Variants in GALNTL6 observed in about 807,000 individuals in gnomAD.
GALNTL6 encodes the protein polypeptide N-acetylgalactosaminyltransferase-like 6.
GALNTL6 carries 46 observed loss-of-function variants against 73.7 expected under a neutral mutation model. That is an observed-to-expected ratio of 0.62 (90% CI 0.49 to 0.80). The LOEUF (loss-of-function observed/expected upper bound fraction) is 0.80. Ranked by LOEUF, GALNTL6 falls within the 30% of genes least tolerant of loss-of-function variation. GALNTL6 has a pLI of 0.00. For missense variants in GALNTL6, 604 were observed against 755.0 expected, an observed-to-expected ratio of 0.80 and a Z score of 2.34; for synonymous variants, 259 against 263.7, an observed-to-expected ratio of 0.98 and a Z score of 0.17.
chr4:172,664,950 T>C (rs1021842071), intron 5 of GALNTL6, among the ~76,000 whole-genome samples: 1 of 152,114 alleles, frequency 6.6e-6, no homozygotes, highest in African/African-American at 2.4e-5. Flanking sequence ...AAACAAGCAA[T>C]GAAGAATGTG....
chr4:171,843,148 T>A (rs1055082571), intron 2 of GALNTL6, among the ~76,000 whole-genome samples: 4 of 152,132 alleles, frequency 2.6e-5, no homozygotes, highest in African/African-American at 9.7e-5. Context: ...AGTTTAGTTT[T>A]AATGGTTTTT....
chr4:172,890,120 A>G (rs541810215), intron 8 of GALNTL6, among the ~76,000 whole-genome samples: 2 of 152,172 alleles, frequency 1.3e-5, no homozygotes, highest in African/African-American at 4.8e-5. Context: ...ATTTCTGATT[A>G]TGCTTACTTG....
At chr4:172,475,432 G>A (rs1267769590) in intron 5 of GALNTL6, among the ~76,000 whole-genome samples, 2 of 151,228 alleles carry the variant, frequency 1.3e-5, no homozygotes, top group Non-Finnish European at 2.9e-5. Flanking sequence ...GGACAAGGTT[G>A]GCAGAAAAAA....
intron 2 of GALNTL6, among the ~76,000 whole-genome samples, chr4:171,883,574 T>A (rs1358699224): frequency 6.6e-6 from 1 of 152,148 alleles, no homozygotes; most frequent in Non-Finnish European, 1.5e-5. Flanking sequence ...CAGTTCTTTT[T>A]TTTCTGAAAC....
At chr4:171,989,591 T>C (rs1329760798) in intron 2 of GALNTL6, among the ~76,000 whole-genome samples, 1 of 152,194 alleles carries the variant, frequency 6.6e-6, no homozygotes, top group Non-Finnish European at 1.5e-5. Flanking sequence ...GGGGTTTGTC[T>C]CACAGTGGAG....
intron 2 of GALNTL6, among the ~76,000 whole-genome samples, chr4:171,912,722 C>T (rs1327458033): frequency 6.6e-6 from 1 of 152,150 alleles, no homozygotes; most frequent in Admixed American, 6.6e-5. Context: ...TTCCCAGCCT[C>T]TAGTAACCAC....
intron 2 of GALNTL6, among the ~76,000 whole-genome samples, chr4:171,892,632 G>T (rs898512486): frequency 6.6e-6 from 1 of 152,112 alleles, no homozygotes; most frequent in African/African-American, 2.4e-5. Context: ...TGTGATCACA[G>T]CTCACTGCAG....
chr4:172,446,249 A>C (rs1410699190), intron 5 of GALNTL6, among the ~76,000 whole-genome samples: 1 of 152,170 alleles, frequency 6.6e-6, no homozygotes, highest in Non-Finnish European at 1.5e-5. Flanking sequence ...TATGACGATC[A>C]CAGAGCTTTA....
At chr4:172,178,042 G>A (rs1735103925) in intron 2 of GALNTL6, among the ~76,000 whole-genome samples, 1 of 151,718 alleles carries the variant, frequency 6.6e-6, no homozygotes, top group Non-Finnish European at 1.5e-5. Context: ...GATTTCTATT[G>A]AGATGTCACA....
intron 5 of GALNTL6, among the ~76,000 whole-genome samples, chr4:172,537,209 T>C (rs1735374604): frequency 6.6e-6 from 1 of 152,188 alleles, no homozygotes; most frequent in Non-Finnish European, 1.5e-5. Context: ...TGTTTTGAAA[T>C]GTGAGGACAT....
chr4:172,818,488 A>G (rs1024983539), intron 7 of GALNTL6, among the ~76,000 whole-genome samples: 2 of 152,212 alleles, frequency 1.3e-5, no homozygotes, highest in Non-Finnish European at 2.9e-5. Context: ...ATTCTTGCCT[A>G]GACTTATTAG....
At chr4:172,381,265 T>C (rs950230564) in intron 5 of GALNTL6, among the ~76,000 whole-genome samples, 3 of 152,254 alleles carry the variant, frequency 2.0e-5, no homozygotes, top group African/African-American at 7.2e-5. Context: ...GAAAGGCTTA[T>C]TGGTATATAA....
At chr4:172,408,956 A>G (rs1744333839) in intron 5 of GALNTL6, among the ~76,000 whole-genome samples, 1 of 152,092 alleles carries the variant, frequency 6.6e-6, no homozygotes, top group Non-Finnish European at 1.5e-5. Context: ...AAATGTTAGA[A>G]ATCACTTACT....
chr4:172,027,663 A>G lies in GALNTL6; in HGVS notation c.139-201993A>G, dbSNP rs1741630442. ...TTAAATCAAAAGCTAGAAATGATTA[A>G]GCTTAGTTGAGGAAGGCATGTTGCA... On this transcript the variant is annotated intron_variant, in intron 2 of 12. Transcript: ENST00000506823. 2.7e-5 allele frequency among the ~76,000 whole-genome samples: 4 copies of G among 149,044 alleles called. No individual in the cohort carries two copies. The South Asian group carries it at 8.6e-4, about 32-fold the overall frequency.
intron 5 of GALNTL6, among the ~76,000 whole-genome samples, chr4:172,556,974 G>A (rs28601872): frequency 0.042 from 6,455 of 152,122 alleles, 433 homozygotes; most frequent in African/African-American, 0.14. Flanking sequence ...TAGAGATTTA[G>A]TTAAACCCAT....
intron 2 of GALNTL6, among the ~76,000 whole-genome samples, chr4:172,020,794 C>T (rs1214319678): frequency 6.6e-6 from 1 of 151,940 alleles, no homozygotes. Context: ...GAAATACTTC[C>T]AAACTCATTC....
Position 172,956,958 on chromosome 4 carries a change from G to A in GALNTL6, c.1371+4700G>A, listed in dbSNP as rs562295017. On this transcript the variant is annotated intron_variant, in intron 10 of 12. Coordinates refer to ENST00000506823, the MANE Select transcript of GALNTL6 (RefSeq NM_001034845.3). ...TCTGTTATAGGACTGTATAGAGGTG[G>A]GAAGGCCAAACCGAGGAATTACGTC... 2.6e-5 allele frequency among the ~76,000 whole-genome samples: 4 copies of A among 152,296 alleles called. No individual in the cohort carries two copies. In the South Asian group the frequency reaches 6.2e-4, roughly 24 times the overall value.
intron 2 of GALNTL6, among the ~76,000 whole-genome samples, chr4:171,911,701 A>G (rs1458505635): frequency 6.6e-6 from 1 of 152,346 alleles, no homozygotes; most frequent in African/African-American, 2.4e-5. Flanking sequence ...CCAACTGTCC[A>G]TATTATCAAA....
At chr4:172,608,521 T>C (rs150574888) in intron 5 of GALNTL6, among the ~76,000 whole-genome samples, 6 of 152,320 alleles carry the variant, frequency 3.9e-5, no homozygotes, top group African/African-American at 1.4e-4. Flanking sequence ...CATGCTGTTT[T>C]AGTTACTGTA....
Sources: allele counts gnomAD v4.1 joint callset (sites outside exome capture counted in the v4.1 genomes callset), GRCh38; gene constraint gnomAD v4.1.1; transcripts MANE v1.5; gene names NCBI Gene and HGNC (gene_info 2026-07-23, HGNC 2026-07-21).